ZNF536: variants seen among roughly 807,000 people sequenced by gnomAD.
The protein encoded by ZNF536 is zinc finger protein 536.
Under a neutral mutation model 84.5 loss-of-function variants are expected in ZNF536, and 13 were observed. The ratio of observed to expected loss-of-function variants is 0.15; its 90% CI spans 0.10 to 0.24. The LOEUF (loss-of-function observed/expected upper bound fraction) is 0.24, where lower values mean the gene tolerates loss of function less well. Ranked by LOEUF, ZNF536 falls within the 10% of genes least tolerant of loss-of-function variation. The pLI is 1.00. For missense variants in ZNF536, 1,536 were observed against 1,747.5 expected, an observed-to-expected ratio of 0.88 and a Z score of 2.16; for synonymous variants, 811 against 742.5, an observed-to-expected ratio of 1.09 and a Z score of -1.50.
At chr19:30,632,668 AACC>A (rs2048935271) in intron 1 of ZNF536, among the ~76,000 whole-genome samples, 1 of 151,538 alleles carries the variant, frequency 6.6e-6, no homozygotes, top group Non-Finnish European at 1.5e-5. Flanking sequence ...CCAACCAACC[AACC>A]AACCAACCAA....
rs112528412 is a variant in ZNF536 at position 30,482,439 on chromosome 19, G to A, written c.2170+36707G>A. Among the ~76,000 whole-genome samples, 382 of 152,232 alleles carry A rather than the reference G, an allele frequency of 2.5e-3. 1 individual carries two copies. The highest frequency in any genetic ancestry group is 8.8e-3 in the African/African-American group (365 of 41,536). Reference sequence around the variant, plus strand: ...CCGGTCTGTTTTATTCCTTCTCTGTGCTCCTAACCATTGTCCCATCACTGT... The same window carrying A: ...CCGGTCTGTTTTATTCCTTCTCTGTACTCCTAACCATTGTCCCATCACTGT... On this transcript the variant is annotated intron_variant, in intron 2 of 4. Coordinates refer to ENST00000355537, the MANE Select transcript of ZNF536 (RefSeq NM_014717.3).
At chr19:30,239,786 C>T (rs2023804333) in intron 1 of ZNF536, among the ~76,000 whole-genome samples, 1 of 152,182 alleles carries the variant, frequency 6.6e-6, no homozygotes. Flanking sequence ...TGTCCCTACC[C>T]CGCATCTCAT....
chr19:30,486,520 A>T (rs2054307849), intron 2 of ZNF536, among the ~76,000 whole-genome samples: 1 of 152,162 alleles, frequency 6.6e-6, no homozygotes, highest in Non-Finnish European at 1.5e-5. Flanking sequence ...ATTTAGGTTG[A>T]TTCCATGTCT....
chr19:30,442,086 A>G (rs2052078105), intron 1 of ZNF536, among the ~76,000 whole-genome samples: 1 of 152,210 alleles, frequency 6.6e-6, no homozygotes, highest in Non-Finnish European at 1.5e-5. Flanking sequence ...CATCTAAACA[A>G]TGGGATGCAA....
chr19:30,601,686 C>G (rs1248802109), intron 1 of ZNF536, among the ~76,000 whole-genome samples: 2 of 152,256 alleles, frequency 1.3e-5, no homozygotes, highest in African/African-American at 4.8e-5. Context: ...GTTCTCAGAC[C>G]TAGCAGCAAG....
At chr19:30,696,849 C>T (rs2051682378) in intron 1 of ZNF536, among the ~76,000 whole-genome samples, 1 of 152,142 alleles carries the variant, frequency 6.6e-6, no homozygotes, top group Admixed American at 6.5e-5. Flanking sequence ...AGCTCTTATC[C>T]TAACTCAACT....
At chr19:30,644,241 A>T (rs868355829) in intron 1 of ZNF536, among the ~76,000 whole-genome samples, 21 of 152,330 alleles carry the variant, frequency 1.4e-4, no homozygotes, top group Middle Eastern at 6.8e-3. Context: ...GTATATTTTT[A>T]AAAATTTCCT....
intron 2 of ZNF536, among the ~76,000 whole-genome samples, chr19:30,506,333 C>T (rs943169555): frequency 6.6e-6 from 1 of 152,116 alleles, no homozygotes; most frequent in African/African-American, 2.4e-5. Flanking sequence ...TGTTCATCTC[C>T]TTTGACAATG....
chr19:30,555,350 G>A (rs183092338), intron 4 of ZNF536: 17 of 152,300 alleles, frequency 1.1e-4, no homozygotes, highest in African/African-American at 2.9e-4. Flanking sequence ...AAACATCTTC[G>A]GGTCACAATC....
chr19:30,355,606 T>G (rs562600435), intron 3 of ZNF536, among the ~76,000 whole-genome samples: 1 of 152,132 alleles, frequency 6.6e-6, no homozygotes, highest in East Asian at 1.9e-4. Context: ...CCCAGGCTGG[T>G]CTTGAACTCC....
intron 2 of ZNF536, among the ~76,000 whole-genome samples, chr19:30,449,528 C>G (rs1023898257): frequency 1.3e-5 from 2 of 152,274 alleles, no homozygotes; most frequent in East Asian, 3.9e-4. Flanking sequence ...AGAAATGATA[C>G]TGTTCATTAT....
chr19:30,248,707 G>A (rs1599878970), intron 1 of ZNF536, among the ~76,000 whole-genome samples: 1 of 152,122 alleles, frequency 6.6e-6, no homozygotes, highest in Non-Finnish European at 1.5e-5. Flanking sequence ...GGAACCAGTG[G>A]GACAACATGT....
intron 1 of ZNF536, among the ~76,000 whole-genome samples, chr19:30,621,002 G>A (rs1319069929): frequency 6.6e-6 from 1 of 152,010 alleles, no homozygotes; most frequent in Non-Finnish European, 1.5e-5. Flanking sequence ...CTAATCAAGA[G>A]TATTCTTTAG....
chr19:30,685,593 C>A (rs1437836531), intron 1 of ZNF536, among the ~76,000 whole-genome samples: 2 of 152,150 alleles, frequency 1.3e-5, no homozygotes, highest in Non-Finnish European at 2.9e-5. Flanking sequence ...GTAGCCAAGT[C>A]ACGATTTTAA....
chr19:30,553,534 G>A (rs1260239918), intron 4 of ZNF536, among the ~76,000 whole-genome samples: 1 of 152,228 alleles, frequency 6.6e-6, no homozygotes, highest in African/African-American at 2.4e-5. Flanking sequence ...GGTGGACCCA[G>A]GGGTAGGCAG....
At chr19:30,603,710 G>A (rs568763221) in intron 1 of ZNF536, among the ~76,000 whole-genome samples, 4 of 152,102 alleles carry the variant, frequency 2.6e-5, no homozygotes, top group Non-Finnish European at 5.9e-5. Context: ...AAACAATGTG[G>A]TACACAGTAA....
At chr19:30,253,857 C>T (rs2024760139) in intron 1 of ZNF536, among the ~76,000 whole-genome samples, 1 of 152,034 alleles carries the variant, frequency 6.6e-6, no homozygotes, top group Non-Finnish European at 1.5e-5. Context: ...GAACAAGCGT[C>T]GCAAATAAAA....
rs373970305 is a variant in ZNF536, at chr19:30,283,528, C to A, written c.-189-544C>A. 2.0e-5 allele frequency among the ~76,000 whole-genome samples: 3 copies of A among 152,288 alleles called. No individual in the cohort carries two copies. The South Asian group carries it at 6.2e-4, about 32-fold the overall frequency. ...GGTTCGGGAGAGAGGACGTTGATGCCAAACACAACATCTCTAAGCCTCAGT... is the reference window on the plus strand; with the variant it reads ...GGTTCGGGAGAGAGGACGTTGATGCAAAACACAACATCTCTAAGCCTCAGT... On this transcript the variant is annotated intron_variant, in intron 1 of 5. Coordinates refer to the ZNF536 transcript ENST00000585628.
intron 3 of ZNF536, among the ~76,000 whole-genome samples, chr19:30,365,779 T>G (rs1449273872): frequency 6.6e-6 from 1 of 152,232 alleles, no homozygotes; most frequent in Non-Finnish European, 1.5e-5. Context: ...GCTTGTGGAC[T>G]TTAATAGTTT....
Sources: gnomAD v4.1 joint callset for allele counts (sites outside exome capture counted in the v4.1 genomes callset) on GRCh38, gnomAD v4.1.1 for gene constraint, MANE v1.5 for transcripts, NCBI Gene and HGNC (gene_info 2026-07-23, HGNC 2026-07-21) for gene names.